Variants in DDHD2 observed in about 807,000 individuals in gnomAD.
DDHD2 encodes the protein triacylglycerol hydrolase DDHD2.
DDHD2 carries 62 observed loss-of-function variants against 91.2 expected under a neutral mutation model. The observed-to-expected ratio is 0.68, with a 90% confidence interval of 0.55 to 0.84. DDHD2 has a LOEUF of 0.84. Among genes scored for constraint, DDHD2 ranks in the 40% least tolerant of loss-of-function variants. The pLI, the probability that DDHD2 is intolerant of heterozygous loss-of-function variation, is 0.00. For missense variants in DDHD2, 740 were observed against 846.9 expected (o/e 0.87, Z 1.57); for synonymous variants, 271 against 293.9 (o/e 0.92, Z 0.80).
At chr8:38,237,406 T>G in intron 3 of DDHD2, 132 bp from the exon 4 acceptor site, 1 of 533,210 alleles carries the variant, frequency 1.9e-6, no homozygotes, top group Non-Finnish European at 3.3e-6. Context: ...ACAAAAAGAT[T>G]TAAAAATAAA....
In DDHD2 at chr8:38,269,078, C is replaced by G. The variant is rs760112456; in HGVS notation, n.88-2044C>G. The stretch of plus-strand genomic sequence containing the variant: ...CGACCCGCCGCCCCGTGCCGCCCGC[C>G]TGCCTGGGAAGCGGGGCCGCCCGGG... On this transcript the variant is annotated intron_variant and non_coding_transcript_variant, in intron 1 of 1. Transcript: ENST00000526071. 39 of 1,528,072 alleles carry G rather than the reference C, an allele frequency of 2.6e-5. 1 individual carries two copies. In the South Asian group the frequency reaches 3.7e-4, roughly 15 times the overall value. 94.7% of individuals were successfully genotyped at this position (1,528,072 alleles called of 1,614,324 possible).
chr8:38,236,970 CATTAAT>C (rs1324226194), intron 3 of DDHD2, among the ~76,000 whole-genome samples: 1 of 152,070 alleles, frequency 6.6e-6, no homozygotes, highest in Non-Finnish European at 1.5e-5. Context: ...TGGTCTAGAA[CATTAAT>C]ATTAATATAT....
chr8:38,257,967 G>C (rs1369551696), intron 16 of DDHD2, among the ~76,000 whole-genome samples: 1 of 151,974 alleles, frequency 6.6e-6, no homozygotes, highest in African/African-American at 2.4e-5. Flanking sequence ...AGCCAACACA[G>C]TATATTGTTA....
Position 38,242,262 on chromosome 8 carries a change from G to T in DDHD2, c.725G>T (p.Arg242Leu), listed in dbSNP as rs767497993. The T allele has an allele frequency of 6.3e-7, 1 of 1,585,316 alleles. No individual in the cohort carries two copies. ...RSIVQCVNDF[R>L]SVSLNLLQTH... is the part of the protein sequence containing the mutation. ...TTTTCTTTTCCAGTTAATGATTTTC[G>T]CAGTGTTTCCTTGAACTTGCTACAG... is the stretch of plus-strand genomic sequence containing the variant. The change falls in exon 7 of 18, where the codon CGC becomes CTC. Residue 242 changes from arginine to leucine, a missense_variant. Physicochemically the swap from Arg to Leu is moderately radical, Grantham distance 102. Transcript: ENST00000397166.
chr8:38,270,332 A>C (rs1187699714), intron 1 of DDHD2: 1 of 152,244 alleles, frequency 6.6e-6, no homozygotes, highest in Non-Finnish European at 1.5e-5. Context: ...AAAGAACACG[A>C]GAAAATGAAA....
chr8:38,265,430 A>G (rs1807445576), downstream of DDHD2: 1 of 150,876 alleles, frequency 6.6e-6, no homozygotes, highest in Admixed American at 6.6e-5. Context: ...AGTAGCTGGG[A>G]TTAAAGGCGT....
At chr8:38,248,044 A>C (rs550092323) in intron 10 of DDHD2, among the ~76,000 whole-genome samples, 2 of 152,332 alleles carry the variant, frequency 1.3e-5, no homozygotes, top group African/African-American at 4.8e-5. Flanking sequence ...ATATTCATAG[A>C]GCAATGGAGC....
chr8:38,252,702 C>T lies in DDHD2; in HGVS notation c.1618-20C>T, dbSNP rs756981328. On this transcript the variant is annotated intron_variant, in intron 13 of 17. Coordinates refer to ENST00000397166, the MANE Select transcript of DDHD2 (RefSeq NM_015214.3). ...CTGTGCTTAGCAGAGGTAAATGTAGCTCTTGTTTTTCCTATGTAGTTTGAT... is the reference window on the plus strand; with the variant it reads ...CTGTGCTTAGCAGAGGTAAATGTAGTTCTTGTTTTTCCTATGTAGTTTGAT... The T allele has an allele frequency of 6.4e-7, 1 of 1,554,070 alleles. No individual in the cohort carries two copies. The highest frequency in any genetic ancestry group is 8.9e-7 in the Non-Finnish European group (1 of 1,126,656).
At chr8:38,255,491 C>G (rs1282043925) in intron 16 of DDHD2, among the ~76,000 whole-genome samples, 1 of 152,058 alleles carries the variant, frequency 6.6e-6, no homozygotes, top group Non-Finnish European at 1.5e-5. Flanking sequence ...TTGTTTCTTG[C>G]AATCAGTTTC....
chr8:38,269,276 GC>G, intron 1 of DDHD2: 2 of 1,315,172 alleles, frequency 1.5e-6, no homozygotes, highest in South Asian at 1.8e-5. Context: ...ACTGGGCACC[GC>G]CCCCTCTCCC....
downstream of DDHD2, chr8:38,266,148 G>A (rs768443428): frequency 1.7e-4 from 274 of 1,613,782 alleles, 1 homozygote; most frequent in Non-Finnish European, 2.1e-4. Flanking sequence ...TACCTTGCCA[G>A]TGATGCTTGT....
chr8:38,251,218 T>C (rs1806085343), intron 11 of DDHD2: 1 of 152,176 alleles, frequency 6.6e-6, no homozygotes, highest in Admixed American at 6.5e-5. Context: ...AGCTAATTTT[T>C]GTATTTTTAG....
At position 38,246,244 on chromosome 8, in the gene DDHD2, T is replaced by C; in HGVS notation, c.1069T>C (p.Leu357=). Residue 357 remains leucine, a synonymous_variant, in exon 9 of 18, where the codon TTG becomes CTG. Coordinates refer to ENST00000397166, the MANE Select transcript of DDHD2 (RefSeq NM_015214.3). ...IAGHSLGSLI[L]FDILTNQKDS... ...TATTTTACTTATAGGTTCGCTTATA[T>C]TGTTTGATATCCTAACAAATCAGAA... The C allele has an allele frequency of 1.2e-6, 2 of 1,605,842 alleles. No individual in the cohort carries two copies. The highest frequency in any genetic ancestry group is 2.2e-5 in the East Asian group (1 of 44,818).
intron 16 of DDHD2, among the ~76,000 whole-genome samples, chr8:38,254,075 CAAAA>C (rs76331678): frequency 7.5e-6 from 1 of 133,468 alleles, no homozygotes; most frequent in Non-Finnish European, 1.6e-5. Flanking sequence ...GACCCTGTCT[CAAAA>C]AAAAAAAAAG....
downstream of DDHD2, chr8:38,263,682 A>T (rs60214805): frequency 3.6e-3 from 3,530 of 985,296 alleles, 97 homozygotes; most frequent in African/African-American, 0.058. Flanking sequence ...TTGTCATCAG[A>T]GAAGGTAAAC....
rs1237342743 is a variant in DDHD2 at position 38,260,592 on chromosome 8, T to C, written c.*27-8T>C. 6.5e-6 allele frequency: 1 copy of C among 153,884 alleles called. No homozygotes were observed. The highest frequency in any genetic ancestry group is 1.5e-5 in the Non-Finnish European group (1 of 68,868). 9.5% of individuals were successfully genotyped at this position (153,884 alleles called of 1,614,324 possible). ...TGACTGCAGCTCTTCTCCCACTTTCTTCCCTAGACGGACATTGAGGGATCC... is the reference window on the plus strand; with the variant it reads ...TGACTGCAGCTCTTCTCCCACTTTCCTCCCTAGACGGACATTGAGGGATCC... On this transcript the variant is annotated splice_polypyrimidine_tract_variant and splice_region_variant and intron_variant, in intron 17 of 17. Coordinates refer to ENST00000397166, the MANE Select transcript of DDHD2 (RefSeq NM_015214.3).
chr8:38,258,377 T>C (rs1272484054), intron 16 of DDHD2, among the ~76,000 whole-genome samples: 1 of 151,912 alleles, frequency 6.6e-6, no homozygotes, highest in Non-Finnish European at 1.5e-5. Context: ...CTCAGCTTCT[T>C]GAGTAGCCGG....
intron 16 of DDHD2, chr8:38,255,286 A>G: frequency 2.2e-6 from 1 of 454,912 alleles, no homozygotes; most frequent in Non-Finnish European, 4.3e-6. Flanking sequence ...TGCAATCACT[A>G]TCGTTTGTAT....
At chr8:38,234,661 T>C in intron 3 of DDHD2, 77 bp downstream of exon 3, 1 of 1,295,570 alleles carries the variant, frequency 7.7e-7, no homozygotes, top group South Asian at 1.5e-5. Context: ...GTAATTTATT[T>C]TGTGAAATTT....
Sources: allele counts gnomAD v4.1 joint callset (sites outside exome capture counted in the v4.1 genomes callset), GRCh38; gene constraint gnomAD v4.1.1; transcripts MANE v1.5; gene names NCBI Gene and HGNC (gene_info 2026-07-23, HGNC 2026-07-21).